Variants in MCCC1 observed in about 807,000 individuals in gnomAD.
MCCC1 encodes methylcrotonoyl-CoA carboxylase subunit alpha, mitochondrial.
In MCCC1, 64 loss-of-function variants were observed where a neutral mutation model predicts 83.8. The observed-to-expected ratio is 0.76, with a 90% CI of 0.62 to 0.94. The LOEUF (loss-of-function observed/expected upper bound fraction) is 0.94, where lower values mean the gene tolerates loss of function less well. Among genes scored for constraint, MCCC1 ranks in the 40% least tolerant of loss-of-function variants. The pLI, the probability that MCCC1 is intolerant of heterozygous loss-of-function variation, is 0.00. For missense variants in MCCC1, 807 were observed against 904.7 expected (o/e 0.89, Z 1.39); for synonymous variants, 322 against 315.4 (o/e 1.02, Z -0.22).
At chr3:183,052,329 A>C in intron 8 of MCCC1, 89 bp from the exon 9 acceptor site, 1 of 1,142,408 alleles carries the variant, frequency 8.8e-7, no homozygotes. Context: ...GTGCCACATA[A>C]TGACGTTTCT....
At chr3:183,037,924 C>A (rs575795443) in intron 12 of MCCC1, among the ~76,000 whole-genome samples, 1 of 152,272 alleles carries the variant, frequency 6.6e-6, no homozygotes, top group South Asian at 2.1e-4. Flanking sequence ...ATTTTATATA[C>A]CGATACAAAA....
At position 183,039,089 on chromosome 3, in the gene MCCC1, G is replaced by C. The variant is rs774243822; in HGVS notation, c.1314C>G (p.Val438=). The change falls in exon 12 of 19, where the codon GTC becomes GTG. Residue 438 remains valine (V), a synonymous_variant. Transcript: ENST00000265594. ...VHYDPMIAKL[V]VWAADRQAAL... ...CCGCCTGGCGATCTGCTGCCCACAC[G>C]ACCAGCTTCGCAATCATGGGGTCAT... The C allele has an allele frequency of 1.2e-6, 2 of 1,614,026 alleles. No individual in the cohort carries two copies. The highest frequency in any genetic ancestry group is 1.7e-6 in the Non-Finnish European group (2 of 1,180,044).
chr3:183,020,061 A>C, intron 17 of MCCC1, 69 bp downstream of exon 17: 3 of 1,191,278 alleles, frequency 2.5e-6, no homozygotes, highest in Non-Finnish European at 2.5e-6. Context: ...AAAGGACATA[A>C]ATGACAAGTT....
rs916441598 is a variant in MCCC1, at chr3:183,111,591, C to T, written c.-102+3883G>A. On this transcript the variant is annotated intron_variant, in intron 1 of 17. Transcript: ENST00000492597. ...CTGGGATTACAGGCGTGAGTCACCG[C>T]GTCCAGCCTTCAAATGACCTTTGAA... 1.2e-4 allele frequency among the ~76,000 whole-genome samples: 19 copies of T among 152,182 alleles called. No homozygotes were observed. The East Asian group carries it at 2.9e-3, about 23-fold the overall frequency.
chr3:183,065,789 T>C (rs923761007), intron 7 of MCCC1, among the ~76,000 whole-genome samples: 7 of 152,210 alleles, frequency 4.6e-5, no homozygotes, highest in African/African-American at 1.7e-4. Flanking sequence ...GGGTATTCAG[T>C]TTTTCTGTAA....
upstream of MCCC1, among the ~76,000 whole-genome samples, chr3:183,102,242 T>C (rs1375361549): frequency 6.6e-6 from 1 of 152,114 alleles, no homozygotes; most frequent in Non-Finnish European, 1.5e-5. Context: ...GATGCACACT[T>C]GTAGTCCCAG....
rs1260785519 is a variant in MCCC1 at position 183,099,436 on chromosome 3, G to A, written c.5C>T (p.Ala2Val). ...CAGCACCGACACCGCAGAGGCCGCC[G>A]CCATGTCCCTGGAGCCCGGCCACTC... Reference protein sequence around the residue: MAAASAVSVLLV... With the variant: MVAASAVSVLLV... The change falls in exon 1 of 19, where the codon GCG becomes GTG. Residue 2 changes from alanine (A) to valine (V), a missense_variant. Ala to Val is a moderately conservative substitution (Grantham distance 64). Transcript: ENST00000265594. 9 of 1,604,496 alleles carry A rather than the reference G, an allele frequency of 5.6e-6. No homozygotes were observed. The highest frequency in any genetic ancestry group is 1.1e-5 in the South Asian group (1 of 89,632).
intron 5 of MCCC1, among the ~76,000 whole-genome samples, 169 bp from the exon 6 acceptor site, chr3:183,071,526 C>T (rs1716690150): frequency 6.6e-6 from 1 of 152,142 alleles, no homozygotes; most frequent in African/African-American, 2.4e-5. Flanking sequence ...GTTAGTTTCC[C>T]TCATTTCATG....
chr3:183,078,500 T>C (rs1470961530), intron 4 of MCCC1, among the ~76,000 whole-genome samples: 1 of 152,188 alleles, frequency 6.6e-6, no homozygotes, highest in Non-Finnish European at 1.5e-5. Flanking sequence ...GCCACCTTAA[T>C]AATATTGAGT....
Position 183,041,591 on chromosome 3 carries a change from T to G in MCCC1, c.1243A>C (p.Arg415=), listed in dbSNP as rs758968895. 1.2e-6 allele frequency: 2 copies of G among 1,614,006 alleles called. No individual in the cohort carries two copies. Among genetic ancestry groups the G allele is most frequent in the African/African-American group, 2.7e-5 (2 of 74,934 alleles). ...CCTTGCCGTACTCCAGTTTCAATCC[T>G]GGTGGAAGGGTCTGCTCGAGGAGTA... ...LSTPRADPST[R]IETGVRQGDE... is the part of the protein sequence containing the mutation. Residue 415 remains arginine (R), a synonymous_variant, in exon 11 of 19, where the codon AGG becomes CGG. Coordinates refer to ENST00000265594, the MANE Select transcript of MCCC1 (RefSeq NM_020166.5).
At chr3:183,096,061 T>G (rs981392934) in intron 1 of MCCC1, among the ~76,000 whole-genome samples, 1 of 152,064 alleles carries the variant, frequency 6.6e-6, no homozygotes, top group Admixed American at 6.6e-5. Flanking sequence ...GTGGGCTGGG[T>G]GCAGTGGCTC....
In MCCC1 at chr3:183,037,223, G is replaced by C. The variant is rs865861432; in HGVS notation, c.1589C>G (p.Ala530Gly). ...KAMTDTFTLQ[A>G]HDQFSPFSSS... ...AAGAGAAAAGCCTTCCATACCATGT[G>C]CCTGAAGAGTGAAAGTGTCGGTCAT... Residue 530 changes from alanine (A) to glycine (G), a missense_variant, in exon 13 of 19, where the codon GCA (alanine) becomes GGA (glycine). Transcript: ENST00000265594. 1.2e-6 allele frequency: 2 copies of C among 1,613,380 alleles called. No homozygotes were observed. Among genetic ancestry groups the C allele is most frequent in the African/African-American group, 2.7e-5 (2 of 75,020 alleles).
rs746979208 is a variant in MCCC1 at position 183,045,398 on chromosome 3, A to G, written c.1083+15T>C. ...CCCAGCCAAGGCTGATTTTTAATAGAAAAAATATTCTCACTCTAAGCTGCC... is the reference window on the plus strand; with the variant it reads ...CCCAGCCAAGGCTGATTTTTAATAGGAAAAATATTCTCACTCTAAGCTGCC... On this transcript the variant is annotated intron_variant, in intron 10 of 18. Transcript: ENST00000265594. The G allele has an allele frequency of 2.2e-5, 35 of 1,613,342 alleles. No homozygotes were observed. The South Asian group carries it at 3.8e-4, about 18-fold the overall frequency.
intron 7 of MCCC1, among the ~76,000 whole-genome samples, chr3:183,058,741 C>T (rs548515186): frequency 3.2e-4 from 48 of 152,066 alleles, no homozygotes; most frequent in African/African-American, 1.0e-3. Flanking sequence ...GGAAATAAGG[C>T]TAATATGGAC....
intron 3 of MCCC1, among the ~76,000 whole-genome samples, chr3:183,091,946 G>C (rs9876859): frequency 1.5e-3 from 230 of 151,368 alleles, no homozygotes; most frequent in African/African-American, 5.2e-3. Context: ...GTCGAGGCAG[G>C]AGAATCGAGG....
intron 7 of MCCC1, among the ~76,000 whole-genome samples, chr3:183,060,868 T>C (rs1240292780): frequency 6.6e-6 from 1 of 152,168 alleles, no homozygotes; most frequent in Non-Finnish European, 1.5e-5. Flanking sequence ...GAATGATGGT[T>C]TCCAGCTTTA....
At chr3:183,112,385 C>A (rs112649330) in intron 1 of MCCC1, among the ~76,000 whole-genome samples, 11 of 152,290 alleles carry the variant, frequency 7.2e-5, no homozygotes, top group Admixed American at 2.6e-4. Flanking sequence ...TCCTGCTCTA[C>A]CATTTTCAGC....
At chr3:183,058,519 G>A (rs1389225845) in intron 7 of MCCC1, among the ~76,000 whole-genome samples, 2 of 152,188 alleles carry the variant, frequency 1.3e-5, no homozygotes, top group East Asian at 3.9e-4. Flanking sequence ...CCACTCAGGA[G>A]GCTCAGGCAG....
intron 10 of MCCC1, among the ~76,000 whole-genome samples, chr3:183,043,808 A>C (rs1259123991): frequency 6.6e-6 from 1 of 152,178 alleles, no homozygotes; most frequent in Non-Finnish European, 1.5e-5. Flanking sequence ...CTCCTTCCTT[A>C]ATCCTTAGAA....
Sources: allele counts gnomAD v4.1 joint callset (sites outside exome capture counted in the v4.1 genomes callset), GRCh38; gene constraint gnomAD v4.1.1; transcripts MANE v1.5; gene names NCBI Gene and HGNC (gene_info 2026-07-23, HGNC 2026-07-21).